TRPM6: variants seen among roughly 807,000 people sequenced by gnomAD.
The protein encoded by TRPM6 is channel kinase 2.
Under a neutral mutation model 247.6 loss-of-function variants are expected in TRPM6, and 111 were observed. The observed-to-expected ratio is 0.45, with a 90% CI of 0.38 to 0.52. The LOEUF (loss-of-function observed/expected upper bound fraction) is 0.52. TRPM6 is among the 20% of genes least tolerant of loss of function. The pLI, the probability that TRPM6 is intolerant of heterozygous loss-of-function variation, is 0.00. For missense variants in TRPM6, 2,126 were observed against 2,421.5 expected, an observed-to-expected ratio of 0.88 and a Z score of 2.56; for synonymous variants, 892 against 853.8, an observed-to-expected ratio of 1.04 and a Z score of -0.78.
At position 74,820,431 on chromosome 9, in the gene TRPM6, G is replaced by C; in HGVS notation, c.1011-4C>G. The C allele has an allele frequency of 1.9e-6, 3 of 1,614,048 alleles. No individual in the cohort carries two copies. On this transcript the variant is annotated splice_polypyrimidine_tract_variant and splice_region_variant and intron_variant, in intron 8 of 38. Transcript: ENST00000360774. ...TTTCACCTGAGGTCGCAGCATCCTG[G>C]AAGAGAAATAAATGGTCTTGACACA...
chr9:74,738,608 G>A lies in TRPM6; in HGVS notation c.5575C>T (p.Leu1859=). The change falls in exon 36 of 39, where the codon CTG becomes TTG. Residue 1859 remains leucine (L), a synonymous_variant. Transcript: ENST00000360774. Reference sequence around the variant, plus strand: ...TGGCAGTAGATTAAGAAAACTTCCAGGAACCTGTTAGGGAAAAAGAGGCCA... The same window carrying A: ...TGGCAGTAGATTAAGAAAACTTCCAAGAACCTGTTAGGGAAAAAGAGGCCA... The part of the protein sequence containing the change: ...PQTIPYTPRF[L]EVFLIYCHSA... 6.2e-7 allele frequency: 1 copy of A among 1,613,910 alleles called. No homozygotes were observed. Among genetic ancestry groups the A allele is most frequent in the Non-Finnish European group, 8.5e-7 (1 of 1,179,916 alleles).
intron 38 of TRPM6, among the ~76,000 whole-genome samples, chr9:74,725,123 T>C (rs1441875802): frequency 6.6e-6 from 1 of 152,190 alleles, no homozygotes; most frequent in Non-Finnish European, 1.5e-5. Flanking sequence ...TGACTCCTCA[T>C]CTCAGTGGTC....
At chr9:74,880,896 A>G (rs1001492214) in intron 1 of TRPM6, among the ~76,000 whole-genome samples, 2 of 152,256 alleles carry the variant, frequency 1.3e-5, no homozygotes, top group African/African-American at 4.8e-5. Flanking sequence ...ACATCAATTA[A>G]TAAAATGGCA....
chr9:74,739,140 TG>T (rs752462205), intron 35 of TRPM6, among the ~76,000 whole-genome samples: 5 of 152,214 alleles, frequency 3.3e-5, no homozygotes, highest in African/African-American at 1.2e-4. Flanking sequence ...TTACAGCCTC[TG>T]AACCTCTTTT....
intron 36 of TRPM6, among the ~76,000 whole-genome samples, chr9:74,736,250 T>C (rs2118720722): frequency 6.6e-6 from 1 of 152,284 alleles, no homozygotes; most frequent in South Asian, 2.1e-4. Context: ...TGCTCCTCCG[T>C]GTTATGCAGC....
chr9:74,734,703 T>C (rs1176399704), intron 36 of TRPM6, among the ~76,000 whole-genome samples: 1 of 152,154 alleles, frequency 6.6e-6, no homozygotes, highest in East Asian at 1.9e-4. Flanking sequence ...GAAGTGAAAT[T>C]TTATTTCCTT....
At chr9:74,868,551 G>C (rs558055980) in intron 1 of TRPM6, among the ~76,000 whole-genome samples, 24 of 152,030 alleles carry the variant, frequency 1.6e-4, no homozygotes, top group Non-Finnish European at 2.8e-4. Context: ...ACCAGCAAAT[G>C]AGAAGCACTT....
At chr9:74,848,894 G>T (rs776382194) in intron 3 of TRPM6, among the ~76,000 whole-genome samples, 7 of 152,216 alleles carry the variant, frequency 4.6e-5, no homozygotes, top group Non-Finnish European at 1.0e-4. Flanking sequence ...CAGGGCCAGA[G>T]CTCAATTTCC....
intron 38 of TRPM6, among the ~76,000 whole-genome samples, chr9:74,727,314 G>A (rs887094141): frequency 6.0e-5 from 9 of 151,184 alleles, no homozygotes; most frequent in Non-Finnish European, 1.0e-4. Context: ...CCCGGTAGGC[G>A]GAGGTTGTAG....
chr9:74,887,895 G>C lies in TRPM6; in HGVS notation c.-39C>G. 1 of 1,613,270 alleles carries C rather than the reference G, an allele frequency of 6.2e-7. No individual in the cohort carries two copies. The highest frequency in any genetic ancestry group is 8.5e-7 in the Non-Finnish European group (1 of 1,179,766). The stretch of plus-strand genomic sequence containing the variant: ...GCCCTGCTCCCAAAGCCCTGTCTGA[G>C]CTTTTAACTGTGGAGGCAGAAACTC... On this transcript the variant is annotated 5_prime_UTR_variant, in exon 1 of 39. Coordinates refer to ENST00000360774, the MANE Select transcript of TRPM6 (RefSeq NM_017662.5).
chr9:74,778,793 G>A (rs1827315704), intron 23 of TRPM6, among the ~76,000 whole-genome samples: 1 of 152,162 alleles, frequency 6.6e-6, no homozygotes, highest in Non-Finnish European at 1.5e-5. Flanking sequence ...CCTCTGCCCA[G>A]CTGCCTGCTT....
intron 6 of TRPM6, among the ~76,000 whole-genome samples, chr9:74,833,220 T>C (rs144327683): frequency 2.3e-3 from 350 of 152,290 alleles, no homozygotes; most frequent in African/African-American, 8.1e-3. Context: ...CACACATACA[T>C]AGAAAAAATT....
chr9:74,730,349 G>A (rs1485348934), intron 37 of TRPM6, among the ~76,000 whole-genome samples: 1 of 152,174 alleles, frequency 6.6e-6, no homozygotes, highest in Non-Finnish European at 1.5e-5. Flanking sequence ...AAAGTTAAGA[G>A]ACAGTAAGCA....
intron 7 of TRPM6, among the ~76,000 whole-genome samples, chr9:74,822,104 T>C (rs147142155): frequency 5.6e-4 from 85 of 152,324 alleles, no homozygotes; most frequent in African/African-American, 1.6e-3. Context: ...AAAATAAGTA[T>C]TGCTTAAGAA....
At chr9:74,852,731 G>A (rs1438121173) in intron 3 of TRPM6, among the ~76,000 whole-genome samples, 1 of 152,226 alleles carries the variant, frequency 6.6e-6, no homozygotes, top group Non-Finnish European at 1.5e-5. Flanking sequence ...GACCGCGAGT[G>A]ATCTGCCCGC....
chr9:74,741,170 A>G (rs1825851733), intron 33 of TRPM6, among the ~76,000 whole-genome samples: 1 of 152,120 alleles, frequency 6.6e-6, no homozygotes, highest in Non-Finnish European at 1.5e-5. Context: ...CATAGCTTCC[A>G]CTTTTAGGCT....
intron 31 of TRPM6, 158 bp from the exon 32 acceptor site, chr9:74,744,303 C>T (rs751453832): frequency 3.0e-5 from 22 of 733,198 alleles, no homozygotes; most frequent in South Asian, 4.5e-5. Context: ...CACAGTATTG[C>T]GCATGGTATC....
intron 18 of TRPM6, among the ~76,000 whole-genome samples, chr9:74,795,647 T>G (rs547388517): frequency 6.6e-6 from 1 of 152,330 alleles, no homozygotes; most frequent in Non-Finnish European, 1.5e-5. Flanking sequence ...CCTTACCTAC[T>G]GACTCCTAAT....
Position 74,762,009 on chromosome 9 carries a change from A to G in TRPM6, c.4662T>C (p.Cys1554=). 6.2e-7 allele frequency: 1 copy of G among 1,613,970 alleles called. No individual in the cohort carries two copies. The highest frequency in any genetic ancestry group is 1.1e-5 in the South Asian group (1 of 91,080). ...ATGTTTATTCCTTACTTTTAATCTT[A>G]CAGATCTTCATCAATTTCTCCTCCT... The part of the protein sequence containing the change: ...FHKEEKLMKI[C]KIKNLSGSSE... The change falls in exon 26 of 39, where the codon TGT becomes TGC. Residue 1554 remains cysteine, a synonymous_variant. Coordinates refer to ENST00000360774, the MANE Select transcript of TRPM6 (RefSeq NM_017662.5).
Sources: gnomAD v4.1 joint callset for allele counts (sites outside exome capture counted in the v4.1 genomes callset) on GRCh38, gnomAD v4.1.1 for gene constraint, MANE v1.5 for transcripts, NCBI Gene and HGNC (gene_info 2026-07-23, HGNC 2026-07-21) for gene names.